Variants in GDPD4 observed in about 807,000 individuals in gnomAD.
GDPD4 encodes glycerophosphodiester phosphodiesterase domain containing 4, also known as glycerophosphodiester phosphodiesterase 6.
GDPD4 carries 60 observed loss-of-function variants against 67.8 expected under a neutral mutation model. The ratio of observed to expected loss-of-function variants is 0.88; its 90% CI spans 0.72 to 1.10. The LOEUF is 1.10. GDPD4 is among the 50% of genes least tolerant of loss of function. The pLI is 0.00. For synonymous variants in GDPD4, 212 were observed against 210.9 expected (o/e 1.00, Z -0.04); for missense variants, 623 against 613.9 (o/e 1.01, Z -0.16).
chr11:77,230,775 C>T (rs1418707122), intron 14 of GDPD4, among the ~76,000 whole-genome samples: 1 of 152,216 alleles, frequency 6.6e-6, no homozygotes, highest in African/African-American at 2.4e-5. Flanking sequence ...CACAACGTGA[C>T]TTAGCTGTGC....
At chr11:77,282,464 G>A (rs1244470237) in intron 3 of GDPD4, among the ~76,000 whole-genome samples, 1 of 72,780 alleles carries the variant, frequency 1.4e-5, no homozygotes, top group East Asian at 3.9e-4. Flanking sequence ...GACCAGCCTG[G>A]GCAACATGGC....
rs191016702 is a variant in GDPD4 at position 77,249,853 on chromosome 11, A to C, written c.865-4351T>G. Among the ~76,000 whole-genome samples, 111 of 152,296 alleles carry C rather than the reference A, an allele frequency of 7.3e-4. 1 individual carries two copies. The highest frequency in any genetic ancestry group is 2.5e-3 in the African/African-American group (106 of 41,572). ...CTTAACACTGCTTTTGCTATATCCC[A>C]TAAGGTTTGGTATGTTGTGTTTCTA... On this transcript the variant is annotated intron_variant, in intron 11 of 16. Coordinates refer to ENST00000315938, the MANE Select transcript of GDPD4 (RefSeq NM_182833.3).
chr11:77,273,964 C>A (rs1959334903), intron 5 of GDPD4, among the ~76,000 whole-genome samples: 9 of 152,178 alleles, frequency 5.9e-5, no homozygotes, highest in Admixed American at 5.9e-4. Context: ...GCCACTCAAA[C>A]AGTCTTCCTG....
chr11:77,278,251 T>C (rs1174968454), intron 4 of GDPD4, among the ~76,000 whole-genome samples: 2 of 152,164 alleles, frequency 1.3e-5, no homozygotes, highest in African/African-American at 4.8e-5. Flanking sequence ...CCACAGTGCC[T>C]GGCCCCCCAT....
At chr11:77,281,195 A>G (rs372725363) in intron 3 of GDPD4, among the ~76,000 whole-genome samples, 3 of 152,214 alleles carry the variant, frequency 2.0e-5, no homozygotes, top group Admixed American at 6.5e-5. Context: ...TGTTATCATT[A>G]TAACAATGTT....
intron 16 of GDPD4, among the ~76,000 whole-genome samples, chr11:77,222,636 C>T (rs572923191): frequency 3.0e-4 from 45 of 152,264 alleles, no homozygotes; most frequent in East Asian, 2.9e-3. Context: ...GTGGGTAACC[C>T]GACCTTTCTC....
At chr11:77,288,998 G>A (rs1178046615) in intron 1 of GDPD4, among the ~76,000 whole-genome samples, 1 of 149,496 alleles carries the variant, frequency 6.7e-6, no homozygotes, top group East Asian at 2.1e-4. Flanking sequence ...AAATAACCCA[G>A]TAAGGTGAAA....
At chr11:77,224,162 G>A (rs1958280946) in intron 16 of GDPD4, 1 of 152,208 alleles carries the variant, frequency 6.6e-6, no homozygotes, top group Non-Finnish European at 1.5e-5. Flanking sequence ...GTGAGGTGAT[G>A]TCCTGCCCTG....
intron 10 of GDPD4, among the ~76,000 whole-genome samples, chr11:77,261,241 CT>C (rs746464607): frequency 2.4e-3 from 350 of 144,606 alleles, no homozygotes; most frequent in Middle Eastern, 3.6e-3. Flanking sequence ...GGCCTAACAT[CT>C]TTTTTTTTTT....
rs1352178091 is a variant in GDPD4, at chr11:77,216,806, G to A, written c.*471C>T. ...CCATCACCACCCTTAGGCAGAGAGA[G>A]GAAGAAGCAGGGGAGATGTGGCTAA... On this transcript the variant is annotated 3_prime_UTR_variant, in exon 17 of 17. Coordinates refer to ENST00000315938, the MANE Select transcript of GDPD4 (RefSeq NM_182833.3). The A allele has an allele frequency of 1.6e-6, 1 of 611,134 alleles. No homozygotes were observed. The highest frequency in any genetic ancestry group is 1.8e-5 in the African/African-American group (1 of 54,154). 37.9% of individuals were successfully genotyped at this position (611,134 alleles called of 1,614,324 possible).
chr11:77,251,168 T>C (rs973801933), intron 11 of GDPD4, among the ~76,000 whole-genome samples: 1 of 152,326 alleles, frequency 6.6e-6, no homozygotes, highest in Middle Eastern at 3.4e-3. Context: ...GATGACTTAC[T>C]GTAGTCATTT....
At chr11:77,238,705 T>C (rs1958609926) in intron 13 of GDPD4, among the ~76,000 whole-genome samples, 1 of 151,712 alleles carries the variant, frequency 6.6e-6, no homozygotes. Flanking sequence ...TAATACAAAG[T>C]CTACCGACAA....
intron 13 of GDPD4, among the ~76,000 whole-genome samples, chr11:77,237,641 C>A (rs1274657920): frequency 6.6e-6 from 1 of 152,158 alleles, no homozygotes; most frequent in Non-Finnish European, 1.5e-5. Flanking sequence ...AATTAGAAAT[C>A]AATAACTGAA....
Position 77,217,045 on chromosome 11 carries a change from G to GGTGA in GDPD4, c.*228_*231dup, listed in dbSNP as rs1380248747. 8.1e-5 allele frequency: 57 copies of GGTGA among 703,996 alleles called. No individual in the cohort carries two copies. The Admixed American group carries it at 1.1e-3, about 13-fold the overall frequency. The allele number at this position is 703,996 out of a possible 1,614,324, so 43.6% of individuals were successfully genotyped here. A position where few individuals can be genotyped will look rare whatever the true frequency, so the allele number is the denominator to read the frequency against. On this transcript the variant is annotated 3_prime_UTR_variant, in exon 17 of 17. Transcript: ENST00000315938. ...TTGTAGCCTGCCTGGTGGGTGCTTG[G>GGTGA]GTGAGTTCAAAGACCACGGTGGGCA...
At chr11:77,276,344 G>C (rs1369814707) in intron 4 of GDPD4, 124 bp from the exon 5 acceptor site, 2 of 743,854 alleles carry the variant, frequency 2.7e-6, no homozygotes, top group Non-Finnish European at 4.7e-6. Flanking sequence ...TGCTATACCT[G>C]TACTTTATTT....
chr11:77,235,009 G>GTTT lies in GDPD4; in HGVS notation c.1242-1840_1242-1838dup, dbSNP rs57989259. 9.2e-4 allele frequency among the ~76,000 whole-genome samples: 48 copies of GTTT among 52,264 alleles called. 6 individuals carry two copies. Among genetic ancestry groups the GTTT allele is most frequent in the Admixed American group, 1.3e-3 (5 of 3,756 alleles). 34.3% of individuals were successfully genotyped at this position (52,264 alleles called of 152,430 possible). A position where few individuals can be genotyped will look rare whatever the true frequency, so the allele number is the denominator to read the frequency against. Reference sequence around the variant, plus strand: ...TCTCTCTGCAACCTTGTCAATATCTGTTTTTTTTTTTTTTTTTTTTTTTTT... The same window carrying GTTT: ...TCTCTCTGCAACCTTGTCAATATCTGTTTTTTTTTTTTTTTTTTTTTTTTTTTT... On this transcript the variant is annotated intron_variant, in intron 13 of 16. Transcript: ENST00000315938.
At chr11:77,270,443 C>A (rs761168814) in intron 7 of GDPD4, among the ~76,000 whole-genome samples, 1 of 152,164 alleles carries the variant, frequency 6.6e-6, no homozygotes, top group East Asian at 1.9e-4. Flanking sequence ...ATTTGCCGGG[C>A]GCAGTGGCTC....
chr11:77,245,336 G>A lies in GDPD4; in HGVS notation c.1031C>T (p.Thr344Ile). The A allele has an allele frequency of 1.2e-6, 2 of 1,614,178 alleles. No individual in the cohort carries two copies. The highest frequency in any genetic ancestry group is 8.5e-7 in the Non-Finnish European group (1 of 1,180,030). Residue 344 changes from threonine to isoleucine, a missense_variant, in exon 12 of 17, where the codon ACA (threonine) becomes ATA (isoleucine). Coordinates refer to ENST00000315938, the MANE Select transcript of GDPD4 (RefSeq NM_182833.3). The stretch of plus-strand genomic sequence containing the variant: ...CACGCTTACTACTTGGCGGACAAAT[G>A]TGTGTCTGAGAGGATGTTTTGGTGG... The part of the protein sequence containing the change: ...RPPPKHPLRH[T>I]FVRQVVSVIL...
chr11:77,236,586 A>G (rs1390908153), intron 13 of GDPD4, among the ~76,000 whole-genome samples: 1 of 152,244 alleles, frequency 6.6e-6, no homozygotes, highest in Non-Finnish European at 1.5e-5. Flanking sequence ...GTGTGGCAAT[A>G]TTAATACAAG....
Sources: allele counts gnomAD v4.1 joint callset (sites outside exome capture counted in the v4.1 genomes callset), GRCh38; gene constraint gnomAD v4.1.1; transcripts MANE v1.5; gene names NCBI Gene and HGNC (gene_info 2026-07-23, HGNC 2026-07-21).